Variants in RAB11FIP3 observed in about 807,000 individuals in gnomAD.
The protein encoded by RAB11FIP3 is rab11 family-interacting protein 3.
In RAB11FIP3, 17 loss-of-function variants were observed where a neutral mutation model predicts 77.8. That is an observed-to-expected ratio of 0.22 (90% confidence interval 0.15 to 0.33). RAB11FIP3 has a LOEUF of 0.33. Ranked by LOEUF, RAB11FIP3 falls within the 10% of genes least tolerant of loss-of-function variation. The pLI, the probability that RAB11FIP3 is intolerant of heterozygous loss-of-function variation, is 1.00. For synonymous variants in RAB11FIP3, 437 were observed against 448.2 expected, an observed-to-expected ratio of 0.98 and a Z score of 0.31; for missense variants, 1,005 against 1,011.2, an observed-to-expected ratio of 0.99 and a Z score of 0.08.
intron 5 of RAB11FIP3, among the ~76,000 whole-genome samples, chr16:492,679 G>A (rs762800815): frequency 1.2e-4 from 18 of 152,186 alleles, no homozygotes; most frequent in African/African-American, 2.2e-4. Flanking sequence ...TTCTTCCCAC[G>A]CAGAGACTTG....
intron 2 of RAB11FIP3, among the ~76,000 whole-genome samples, chr16:470,932 C>T (rs549373794): frequency 2.0e-5 from 3 of 151,302 alleles, no homozygotes; most frequent in South Asian, 4.2e-4. Flanking sequence ...TGGTACCTAA[C>T]ACTTTTTAAA....
chr16:441,735 C>T (rs2055230349), intron 1 of RAB11FIP3, among the ~76,000 whole-genome samples: 1 of 152,206 alleles, frequency 6.6e-6, no homozygotes, highest in Admixed American at 6.5e-5. Context: ...GGCACCCTTC[C>T]TTCTGTGACA....
chr16:457,217 G>C (rs1197674527), intron 1 of RAB11FIP3, among the ~76,000 whole-genome samples: 1 of 152,184 alleles, frequency 6.6e-6, no homozygotes, highest in African/African-American at 2.4e-5. Context: ...TGGGATCCTA[G>C]TTGACTGTGG....
At chr16:498,803 C>G (rs1251986106) in intron 6 of RAB11FIP3, among the ~76,000 whole-genome samples, 1 of 150,984 alleles carries the variant, frequency 6.6e-6, no homozygotes, top group Admixed American at 6.6e-5. Flanking sequence ...CCGCGTCCCA[C>G]TTGTTTTCCA....
At chr16:473,738 C>T (rs900555102) in intron 3 of RAB11FIP3, among the ~76,000 whole-genome samples, 1 of 152,120 alleles carries the variant, frequency 6.6e-6, no homozygotes, top group African/African-American at 2.4e-5. Context: ...CCGCACCCAG[C>T]CTGATATGTT....
intron 1 of RAB11FIP3, among the ~76,000 whole-genome samples, chr16:432,927 A>G (rs1401338210): frequency 1.4e-5 from 2 of 147,862 alleles, no homozygotes; most frequent in East Asian, 4.1e-4. Context: ...TTTAATTGAT[A>G]GAAATATTTG....
intron 1 of RAB11FIP3, among the ~76,000 whole-genome samples, chr16:453,637 C>T (rs536328774): frequency 7.0e-6 from 1 of 141,912 alleles, no homozygotes; most frequent in South Asian, 2.2e-4. Flanking sequence ...GTTGCCCAGG[C>T]TGGAGTGCAG....
chr16:469,264 C>A (rs1054341326), intron 2 of RAB11FIP3, among the ~76,000 whole-genome samples: 2 of 152,010 alleles, frequency 1.3e-5, no homozygotes, highest in African/African-American at 4.8e-5. Context: ...TTAGTACAGA[C>A]GGGTTTTCAC....
intron 2 of RAB11FIP3, among the ~76,000 whole-genome samples, chr16:465,784 T>C (rs2055692324): frequency 6.6e-6 from 1 of 152,076 alleles, no homozygotes; most frequent in African/African-American, 2.4e-5. Flanking sequence ...CAATTTTTTG[T>C]GTTAGAGATG....
chr16:477,782 T>G, intron 3 of RAB11FIP3: 1 of 629,510 alleles, frequency 1.6e-6, no homozygotes, highest in South Asian at 7.1e-5. Flanking sequence ...AGATTATAAT[T>G]GGACACCCAG....
chr16:522,816 G>C lies in RAB11FIP3; in HGVS notation c.*1977G>C, dbSNP rs770445772. Reference sequence around the variant, plus strand: ...CTCTGGGTCACACGCCTCTGGGGACGTACGTCCCATGTCGGGAGAGCCGTC... The same window carrying C: ...CTCTGGGTCACACGCCTCTGGGGACCTACGTCCCATGTCGGGAGAGCCGTC... On this transcript the variant is annotated 3_prime_UTR_variant, in exon 14 of 14. Coordinates refer to ENST00000262305, the MANE Select transcript of RAB11FIP3 (RefSeq NM_014700.4). The C allele has an allele frequency of 6.6e-6, 1 of 152,338 alleles. No individual in the cohort carries two copies. The highest frequency in any genetic ancestry group is 1.5e-5 in the Non-Finnish European group (1 of 68,148). The allele number at this position is 152,338 out of a possible 1,614,324, so 9.4% of individuals were successfully genotyped here. A position where few individuals can be genotyped will look rare whatever the true frequency, so the allele number is the denominator to read the frequency against.
At chr16:518,774 G>A (rs1268120386) in intron 9 of RAB11FIP3, among the ~76,000 whole-genome samples, 169 bp from the exon 10 acceptor site, 1 of 152,220 alleles carries the variant, frequency 6.6e-6, no homozygotes, top group Non-Finnish European at 1.5e-5. Flanking sequence ...TTACGGAAAA[G>A]CTGTGCCCTG....
In RAB11FIP3 at chr16:514,124, C is replaced by T. The variant is rs1472670869; in HGVS notation, c.1640+3324C>T. Among the ~76,000 whole-genome samples, 5 of 152,198 alleles carry T rather than the reference C, an allele frequency of 3.3e-5. No homozygotes were observed. Among genetic ancestry groups the T allele is most frequent in the Admixed American group, 3.3e-4 (5 of 15,290 alleles). Reference sequence around the variant, plus strand: ...TGCCTCTTGTGAGCAAGCCGCCTGCCCACCCTAAGCGCTTGGGGTCAGTGC... The same window carrying T: ...TGCCTCTTGTGAGCAAGCCGCCTGCTCACCCTAAGCGCTTGGGGTCAGTGC... On this transcript the variant is annotated intron_variant, in intron 9 of 13. Transcript: ENST00000262305. The surrounding 1 kb of genome is among the most constrained non-coding windows in gnomAD (Gnocchi z 4.6).
intron 2 of RAB11FIP3, among the ~76,000 whole-genome samples, chr16:465,112 G>A (rs933702959): frequency 1.3e-5 from 2 of 152,110 alleles, no homozygotes; most frequent in Admixed American, 6.6e-5. Flanking sequence ...GGTCTCAGTC[G>A]CAGGGAGGAG....
In RAB11FIP3 at chr16:514,672, C is replaced by T. The variant is rs759743857; in HGVS notation, c.1640+3872C>T. ...GATCTGAATCTCAGGACACAGGGCC[C>T]GGGAGAGGTTCTAGGAAAGGCCAGG... On this transcript the variant is annotated intron_variant, in intron 9 of 13. Transcript: ENST00000262305. The surrounding 1 kb of genome is among the most constrained non-coding windows in gnomAD (Gnocchi z 4.6). 2.6e-5 allele frequency among the ~76,000 whole-genome samples: 4 copies of T among 152,172 alleles called. No individual in the cohort carries two copies. The highest frequency in any genetic ancestry group is 4.1e-4 in the South Asian group (2 of 4,830).
At chr16:455,731 A>C (rs1166077601) in intron 1 of RAB11FIP3, among the ~76,000 whole-genome samples, 1 of 152,042 alleles carries the variant, frequency 6.6e-6, no homozygotes, top group Non-Finnish European at 1.5e-5. Context: ...AAGTAGCTGG[A>C]ACTACTGGCA....
At chr16:452,022 G>A (rs144659862) in intron 1 of RAB11FIP3, among the ~76,000 whole-genome samples, 1,612 of 152,214 alleles carry the variant, frequency 0.011, 12 homozygotes, top group Non-Finnish European at 0.015. Flanking sequence ...GATGGCAGGC[G>A]CCTGTAATCC....
At chr16:432,850 C>T (rs1417404761) in intron 1 of RAB11FIP3, among the ~76,000 whole-genome samples, 10 of 151,430 alleles carry the variant, frequency 6.6e-5, no homozygotes, top group African/African-American at 1.9e-4. Context: ...GTGATCCACC[C>T]GCCTTGGCCT....
chr16:518,913 G>T, intron 9 of RAB11FIP3, 30 bp from the exon 10 acceptor site: 1 of 1,611,850 alleles, frequency 6.2e-7, no homozygotes. Flanking sequence ...GCTTCCTGGA[G>T]TGAGTTTCAG....
Sources: allele counts gnomAD v4.1 joint callset (sites outside exome capture counted in the v4.1 genomes callset), GRCh38; gene constraint gnomAD v4.1.1; non-coding constraint Gnocchi (gnomAD v3.1); transcripts MANE v1.5; gene names NCBI Gene and HGNC (gene_info 2026-07-23, HGNC 2026-07-21).